PC: variants seen among roughly 807,000 people sequenced by gnomAD.
The protein encoded by PC is pyruvate carboxylase.
In PC, 46 loss-of-function variants were observed where a neutral mutation model predicts 107.8. The ratio of observed to expected loss-of-function variants is 0.43; its 90% CI spans 0.34 to 0.55. PC has a LOEUF of 0.55. Among genes scored for constraint, PC ranks in the 20% least tolerant of loss-of-function variants. PC has a pLI of 0.04. For synonymous variants in PC, 662 were observed against 684.7 expected, an observed-to-expected ratio of 0.97 and a Z score of 0.52; for missense variants, 1,241 against 1,643.1, an observed-to-expected ratio of 0.76 and a Z score of 4.23.
intron 3 of PC, among the ~76,000 whole-genome samples, chr11:66,901,388 C>T (rs968881836): frequency 2.0e-5 from 3 of 152,204 alleles, no homozygotes; most frequent in African/African-American, 4.8e-5. Context: ...CTGACCCAGG[C>T]TGTGTCTTGT....
intron 3 of PC, among the ~76,000 whole-genome samples, chr11:66,938,538 C>T (rs1418919901): frequency 6.6e-6 from 1 of 152,032 alleles, no homozygotes; most frequent in African/African-American, 2.4e-5. Context: ...GCACCCTTCT[C>T]TAATTAGATT....
At chr11:66,904,215 G>A (rs1948080385) in intron 3 of PC, among the ~76,000 whole-genome samples, 1 of 151,458 alleles carries the variant, frequency 6.6e-6, no homozygotes, top group African/African-American at 2.4e-5. Context: ...CACCCCTCCT[G>A]CACCCTGCCC....
chr11:66,936,222 T>G (rs1358742457), intron 3 of PC, among the ~76,000 whole-genome samples: 1 of 149,988 alleles, frequency 6.7e-6, no homozygotes, highest in Non-Finnish European at 1.5e-5. Flanking sequence ...TACTCCAGCC[T>G]CGTGACAGAG....
chr11:66,874,023 G>A (rs1388822899), intron 3 of PC, among the ~76,000 whole-genome samples: 5 of 151,724 alleles, frequency 3.3e-5, no homozygotes, highest in South Asian at 2.1e-4. Context: ...GCAATGGTGC[G>A]ATCTCGGCTC....
intron 3 of PC, chr11:66,934,612 C>T (rs115150036): frequency 0.012 from 1,859 of 153,288 alleles, 41 homozygotes; most frequent in African/African-American, 0.043. Flanking sequence ...CTATGCCACT[C>T]CCCGGTAATT....
chr11:66,871,453 C>T lies in PC; in HGVS notation c.349G>A (p.Gly117Ser). 3.1e-6 allele frequency: 5 copies of T among 1,613,462 alleles called. No individual in the cohort carries two copies. Among genetic ancestry groups the T allele is most frequent in the Non-Finnish European group, 4.2e-6 (5 of 1,180,036 alleles). ...KENNVDAVHP[G>S]YGFLSERADF... Reference sequence around the variant, plus strand: ...GCTCGCTCAGAGAGGAACCCGTAGCCAGGGTGCACTGCATCTACGTTGTTC... The same window carrying T: ...GCTCGCTCAGAGAGGAACCCGTAGCTAGGGTGCACTGCATCTACGTTGTTC... The change falls in exon 6 of 23, where the codon GGC becomes AGC. Residue 117 changes from glycine (G) to serine (S), a missense_variant. Gly to Ser is a moderately conservative substitution (Grantham distance 56). This residue lies in a region of PC where 1,143 missense variants were observed against 1,551.9 expected (regional missense o/e 0.74). Coordinates refer to ENST00000393960, the MANE Select transcript of PC (RefSeq NM_001040716.2). This position sits in a 1 kb window ranked among gnomAD's most constrained non-coding sequence, Gnocchi z 7.4.
At chr11:66,895,567 A>G (rs1265297483) in intron 3 of PC, among the ~76,000 whole-genome samples, 1 of 152,226 alleles carries the variant, frequency 6.6e-6, no homozygotes, top group East Asian at 1.9e-4. Context: ...TGCTACACAC[A>G]TTTTTAAAGA....
chr11:66,884,381 C>T (rs1456251505), intron 3 of PC, among the ~76,000 whole-genome samples: 1 of 152,082 alleles, frequency 6.6e-6, no homozygotes, highest in Non-Finnish European at 1.5e-5. Flanking sequence ...CAGTGCACTC[C>T]AGCCTGGGCA....
In PC at chr11:66,870,375, A is replaced by G. The variant is rs1335122723; in HGVS notation, c.830T>C (p.Ile277Thr). Reference sequence around the variant, plus strand: ...CGGGTCCAGGTGGGCGGCGGGGGCAATCTCGACCACCTTCTGGTGCCGCCG... The same window carrying G: ...CGGGTCCAGGTGGGCGGCGGGGGCAGTCTCGACCACCTTCTGGTGCCGCCG... ...IQRRHQKVVEIAPAAHLDPQL... is the reference protein window; with the variant it reads ...IQRRHQKVVETAPAAHLDPQL... Residue 277 changes from isoleucine to threonine, a missense_variant, in exon 9 of 23, where the codon ATT becomes ACT. Coordinates refer to ENST00000393960, the MANE Select transcript of PC (RefSeq NM_001040716.2). This position sits in a 1 kb window ranked among gnomAD's most constrained non-coding sequence, Gnocchi z 6.1. The G allele has an allele frequency of 2.5e-6, 4 of 1,613,514 alleles. No homozygotes were observed. Among genetic ancestry groups the G allele is most frequent in the Non-Finnish European group, 3.4e-6 (4 of 1,180,000 alleles).
In PC at chr11:66,848,421, G is replaced by A. The variant is rs1176329285; in HGVS notation, c.*478C>T. 1 of 515,528 alleles carries A rather than the reference G, an allele frequency of 1.9e-6. No individual in the cohort carries two copies. Among genetic ancestry groups the A allele is most frequent in the Non-Finnish European group, 3.4e-6 (1 of 295,230 alleles). 31.9% of individuals were successfully genotyped at this position (515,528 alleles called of 1,614,324 possible). A position where few individuals can be genotyped will look rare whatever the true frequency, so the allele number is the denominator to read the frequency against. On this transcript the variant is annotated 3_prime_UTR_variant, in exon 23 of 23. Transcript: ENST00000393960. ...ACGATGGTCATTCTCACTACCCTCTGAGGAGAACGACACAACTGACCTGCC... is the reference window on the plus strand; with the variant it reads ...ACGATGGTCATTCTCACTACCCTCTAAGGAGAACGACACAACTGACCTGCC...
intron 3 of PC, among the ~76,000 whole-genome samples, chr11:66,925,786 T>C (rs772219608): frequency 1.3e-5 from 2 of 152,122 alleles, no homozygotes; most frequent in East Asian, 1.9e-4. Context: ...GCAGTAAAGA[T>C]AGACATAAGA....
At chr11:66,924,281 C>G (rs1460507145) in intron 3 of PC, among the ~76,000 whole-genome samples, 1 of 144,608 alleles carries the variant, frequency 6.9e-6, no homozygotes, top group Non-Finnish European at 1.5e-5. Context: ...CCTGTAATCC[C>G]AATGCTTTGT....
chr11:66,877,317 C>CG (rs1365973610), intron 3 of PC, among the ~76,000 whole-genome samples: 8 of 152,120 alleles, frequency 5.3e-5, no homozygotes, highest in Admixed American at 2.0e-4. Flanking sequence ...GCCTGTGAGG[C>CG]GGAAGTTGCA....
intron 3 of PC, among the ~76,000 whole-genome samples, chr11:66,920,635 T>G (rs1368773302): frequency 2.0e-5 from 3 of 151,980 alleles, no homozygotes; most frequent in African/African-American, 2.4e-5. Flanking sequence ...CGCCGCACCC[T>G]CCTCCAAGCA....
chr11:66,880,035 C>A (rs1207502912), intron 3 of PC, among the ~76,000 whole-genome samples: 1 of 152,212 alleles, frequency 6.6e-6, no homozygotes, highest in Admixed American at 6.5e-5. Context: ...CTGACCCGCA[C>A]ACAATGCCAG....
intron 9 of PC, 112 bp from the exon 10 acceptor site, chr11:66,869,076 G>T (rs889857645): frequency 6.2e-6 from 5 of 803,644 alleles, no homozygotes; most frequent in African/African-American, 1.7e-5. Flanking sequence ...GTAAAAGAAT[G>T]GCCTGTGGCA....
intron 18 of PC, 55 bp downstream of exon 18, chr11:66,850,619 T>C: frequency 6.2e-7 from 1 of 1,601,990 alleles, no homozygotes; most frequent in Non-Finnish European, 8.5e-7. Flanking sequence ...CTACTGGGAC[T>C]GGTGGTGGCT....
chr11:66,873,780 C>A (rs1946874895), intron 3 of PC, among the ~76,000 whole-genome samples: 1 of 150,636 alleles, frequency 6.6e-6, no homozygotes, highest in Non-Finnish European at 1.5e-5. Context: ...TCATTTCTTT[C>A]TTTTGAGACG....
chr11:66,933,751 T>C (rs993778454), intron 3 of PC, among the ~76,000 whole-genome samples: 2 of 152,070 alleles, frequency 1.3e-5, no homozygotes, highest in Admixed American at 6.6e-5. Flanking sequence ...TTACATTCCC[T>C]GCTGAGCTAG....
Sources: gnomAD v4.1 joint callset for allele counts (sites outside exome capture counted in the v4.1 genomes callset) on GRCh38, gnomAD v4.1.1 for gene constraint, gnomAD v4.1.1 regional missense constraint, Gnocchi (gnomAD v3.1) non-coding constraint, MANE v1.5 for transcripts, NCBI Gene and HGNC (gene_info 2026-07-23, HGNC 2026-07-21) for gene names.